Variants in AKAP9 observed in about 807,000 individuals in gnomAD.
AKAP9 encodes the protein A-kinase anchoring protein 9.
AKAP9 carries 311 observed loss-of-function variants against 488.5 expected under a neutral mutation model. That is an observed-to-expected ratio of 0.64 (90% confidence interval 0.58 to 0.70). The LOEUF is 0.70. Ranked by LOEUF, AKAP9 falls within the 30% of genes least tolerant of loss-of-function variation. The pLI, the probability that AKAP9 is intolerant of heterozygous loss-of-function variation, is 0.00. For synonymous variants in AKAP9, 1,462 were observed against 1,483.5 expected (o/e 0.99, Z 0.33); for missense variants, 4,215 against 4,374.5 (o/e 0.96, Z 1.03).
At chr7:92,009,173 A>G (rs1169427711) in intron 8 of AKAP9, among the ~76,000 whole-genome samples, 1 of 151,940 alleles carries the variant, frequency 6.6e-6, no homozygotes, top group Non-Finnish European at 1.5e-5. Flanking sequence ...TTAAAAAATC[A>G]GCCAGATGTC....
Position 92,097,121 on chromosome 7 carries a change from A to G in AKAP9, c.10162A>G (p.Arg3388Gly), listed in dbSNP as rs1563139850. 2 of 1,614,268 alleles carry G rather than the reference A, an allele frequency of 1.2e-6. No homozygotes were observed. Among genetic ancestry groups the G allele is most frequent in the Non-Finnish European group, 1.7e-6 (2 of 1,180,048 alleles). Residue 3388 changes from arginine (R) to glycine (G), a missense_variant, in exon 41 of 50, where the codon AGG becomes GGG. Arg to Gly is a moderately radical substitution (Grantham distance 125). Transcript: ENST00000356239. ...AATGGAAAAAGATAGGCAGGTTCAC[A>G]GGAAAACACTGCAGACAGAACAGGA... The part of the protein sequence containing the change: ...QQMEKDRQVH[R>G]KTLQTEQEAN...
chr7:92,083,853 G>A (rs1814043059), intron 33 of AKAP9, among the ~76,000 whole-genome samples, 198 bp downstream of exon 33: 2 of 152,074 alleles, frequency 1.3e-5, no homozygotes, highest in Admixed American at 1.3e-4. Flanking sequence ...TATACTTTAA[G>A]TTCTGGGATA....
chr7:92,037,553 C>T (rs1246691803), intron 16 of AKAP9, among the ~76,000 whole-genome samples: 1 of 152,134 alleles, frequency 6.6e-6, no homozygotes, highest in Non-Finnish European at 1.5e-5. Context: ...ACGGTTGGTT[C>T]TCAAAGGTGT....
At chr7:92,061,211 T>G in intron 22 of AKAP9, 49 bp from the exon 23 acceptor site, 1 of 1,599,308 alleles carries the variant, frequency 6.3e-7, no homozygotes, top group Non-Finnish European at 8.6e-7. Context: ...ATGAAACTAG[T>G]ATTTCCACAC....
chr7:92,004,896 A>G (rs1321383609), intron 8 of AKAP9, among the ~76,000 whole-genome samples: 2 of 152,146 alleles, frequency 1.3e-5, no homozygotes, highest in Non-Finnish European at 2.9e-5. Context: ...GTCTTGTGCC[A>G]GTTTTCAAAG....
At chr7:92,093,759 T>C (rs902015721) in intron 39 of AKAP9, among the ~76,000 whole-genome samples, 3 of 152,192 alleles carry the variant, frequency 2.0e-5, no homozygotes, top group African/African-American at 7.2e-5. Context: ...TATTGAACAT[T>C]AGCTTCACAC....
intron 1 of AKAP9, among the ~76,000 whole-genome samples, chr7:91,942,602 A>G (rs1790910695): frequency 6.6e-6 from 1 of 152,186 alleles, no homozygotes; most frequent in Non-Finnish European, 1.5e-5. Context: ...CTGTTACCTC[A>G]CAATTTTTAT....
intron 37 of AKAP9, among the ~76,000 whole-genome samples, chr7:92,088,733 A>G (rs1354808896): frequency 6.6e-6 from 1 of 152,150 alleles, no homozygotes; most frequent in Non-Finnish European, 1.5e-5. Flanking sequence ...CAAATTTTGT[A>G]GGACTACACA....
At chr7:92,109,567 T>TA (rs1464874615) in intron 49 of AKAP9, among the ~76,000 whole-genome samples, 1 of 152,246 alleles carries the variant, frequency 6.6e-6, no homozygotes, top group African/African-American at 2.4e-5. Flanking sequence ...AAACTCTAAA[T>TA]ATTAGTCTCA....
intron 8 of AKAP9, among the ~76,000 whole-genome samples, chr7:92,006,168 T>G (rs1012755791): frequency 1.3e-5 from 2 of 152,032 alleles, no homozygotes; most frequent in African/African-American, 4.8e-5. Context: ...TTCTTTTTTT[T>G]TTGAGACAGG....
chr7:92,071,994 G>A (rs1390388785), intron 28 of AKAP9, among the ~76,000 whole-genome samples: 1 of 151,920 alleles, frequency 6.6e-6, no homozygotes, highest in Non-Finnish European at 1.5e-5. Context: ...GAGGTGGGGA[G>A]CATTTTTGTT....
At chr7:91,949,822 C>A (rs1304215708) in intron 1 of AKAP9, among the ~76,000 whole-genome samples, 4 of 152,016 alleles carry the variant, frequency 2.6e-5, no homozygotes, top group Non-Finnish European at 5.9e-5. Flanking sequence ...TGTAAAATTC[C>A]TTTTTCCTCC....
Position 92,001,217 on chromosome 7 carries a change from C to A in AKAP9, c.1300C>A (p.Arg434=), listed in dbSNP as rs771608420. 19 of 1,613,846 alleles carry A rather than the reference C, an allele frequency of 1.2e-5. No individual in the cohort carries two copies. In the East Asian group the frequency reaches 4.2e-4, roughly 36 times the overall value. The part of the protein sequence containing the change: ...QETQRKLEQL[R]AELDEMYGQQ... ...AACACAAAGAAAGTTAGAACAACTC[C>A]GGGCAGAGCTGGATGAGATGTATGG... The change falls in exon 8 of 50, where the codon CGG becomes AGG. Residue 434 remains arginine, a synonymous_variant. Coordinates refer to ENST00000356239, the MANE Select transcript of AKAP9 (RefSeq NM_005751.5).
At chr7:92,031,868 G>T (rs1276677609) in intron 16 of AKAP9, among the ~76,000 whole-genome samples, 2 of 152,198 alleles carry the variant, frequency 1.3e-5, no homozygotes, top group African/African-American at 4.8e-5. Context: ...GTTGCCTTGT[G>T]AAGAAGTTTG....
chr7:92,018,913 A>G (rs191488617), intron 12 of AKAP9, among the ~76,000 whole-genome samples: 9 of 152,272 alleles, frequency 5.9e-5, no homozygotes, highest in Admixed American at 5.9e-4. Context: ...TTGAAATTTG[A>G]ATTTATTAAC....
At chr7:92,069,522 T>C (rs1364617733) in intron 26 of AKAP9, among the ~76,000 whole-genome samples, 1 of 152,202 alleles carries the variant, frequency 6.6e-6, no homozygotes, top group African/African-American at 2.4e-5. Flanking sequence ...AAAAATACTT[T>C]TTAGAAAAAA....
At chr7:91,967,484 A>G (rs1794559656) in intron 1 of AKAP9, among the ~76,000 whole-genome samples, 1 of 152,132 alleles carries the variant, frequency 6.6e-6, no homozygotes, top group Non-Finnish European at 1.5e-5. Flanking sequence ...CATCTTCTGT[A>G]TCCAGTTTGT....
chr7:91,963,575 T>G (rs947908821), intron 1 of AKAP9, among the ~76,000 whole-genome samples: 12 of 151,228 alleles, frequency 7.9e-5, no homozygotes, highest in Non-Finnish European at 1.3e-4. Context: ...TAGAGTGCAG[T>G]GGCATGATCT....
In AKAP9 at chr7:92,079,912, A is replaced by G; in HGVS notation, c.7779A>G (p.Arg2593=). 6.2e-7 allele frequency: 1 copy of G among 1,613,764 alleles called. No individual in the cohort carries two copies. Among genetic ancestry groups the G allele is most frequent in the Non-Finnish European group, 8.5e-7 (1 of 1,179,762 alleles). Residue 2593 remains arginine (R), a synonymous_variant, in exon 31 of 50, where the codon AGA becomes AGG. Coordinates refer to ENST00000356239, the MANE Select transcript of AKAP9 (RefSeq NM_005751.5). ...ATATTCAGAATTTAAATCAACTAAG[A>G]GAAGATGAGTTGGGGTCAGATATAT... The part of the protein sequence containing the change: ...RTNIQNLNQL[R]EDELGSDISA...
Sources: gnomAD v4.1 joint callset for allele counts (sites outside exome capture counted in the v4.1 genomes callset) on GRCh38, gnomAD v4.1.1 for gene constraint, MANE v1.5 for transcripts, NCBI Gene and HGNC (gene_info 2026-07-23, HGNC 2026-07-21) for gene names.